Variants in TOB2 observed in about 807,000 individuals in gnomAD.
TOB2 encodes protein Tob2.
TOB2 carries 3 observed loss-of-function variants against 17.3 expected under a neutral mutation model. The observed-to-expected ratio is 0.17, with a 90% CI of 0.08 to 0.45. The LOEUF (loss-of-function observed/expected upper bound fraction) is 0.45, where lower values mean the gene tolerates loss of function less well. Ranked by LOEUF, TOB2 falls within the 20% of genes least tolerant of loss-of-function variation. TOB2 has a pLI of 0.99. For synonymous variants in TOB2, 163 were observed against 185.6 expected (o/e 0.88, Z 0.99); for missense variants, 407 against 445.7 (o/e 0.91, Z 0.78).
chr22:41,440,829 A>G (rs928181561), intron 1 of TOB2, among the ~76,000 whole-genome samples: 1 of 151,072 alleles, frequency 6.6e-6, no homozygotes, highest in African/African-American at 2.4e-5. Context: ...AACCTCCCAA[A>G]GTGGTAGGTT....
intron 1 of TOB2, among the ~76,000 whole-genome samples, chr22:41,438,630 C>CA (rs749494672): frequency 0.026 from 327 of 12,678 alleles, 54 homozygotes; most frequent in Non-Finnish European, 0.045. Flanking sequence ...AACTCTGTCT[C>CA]AAAAAAAAAA....
intron 1 of TOB2, among the ~76,000 whole-genome samples, chr22:41,443,329 T>C (rs549222210): frequency 0.01 from 1,552 of 151,334 alleles, 14 homozygotes; most frequent in Non-Finnish European, 0.016. Flanking sequence ...AAGATTTTTT[T>C]CCCCCCCTCG....
chr22:41,444,252 G>A (rs899963317), intron 1 of TOB2, among the ~76,000 whole-genome samples: 8 of 152,152 alleles, frequency 5.3e-5, no homozygotes, highest in African/African-American at 1.9e-4. Flanking sequence ...TGTATTGAAA[G>A]GCTTCCAGGA....
chr22:41,440,513 A>T (rs977435338), intron 1 of TOB2, among the ~76,000 whole-genome samples: 5 of 144,550 alleles, frequency 3.5e-5, no homozygotes, highest in Non-Finnish European at 7.5e-5. Flanking sequence ...GGCTCAGGTG[A>T]TCCTCCCACT....
At chr22:41,444,461 T>C (rs2037658106) in intron 1 of TOB2, among the ~76,000 whole-genome samples, 1 of 152,244 alleles carries the variant, frequency 6.6e-6, no homozygotes, top group African/African-American at 2.4e-5. Context: ...GGGCCCGCTC[T>C]GCACTCTGGG....
chr22:41,440,869 A>T (rs1601850614), intron 1 of TOB2, among the ~76,000 whole-genome samples: 2 of 150,174 alleles, frequency 1.3e-5, no homozygotes. Context: ...GTCCAGCCTC[A>T]TTTTTTTTTG....
intron 1 of TOB2, among the ~76,000 whole-genome samples, chr22:41,440,695 TAGCTGGAATTACAGGC>T (rs914331587): frequency 1.3e-5 from 2 of 150,770 alleles, no homozygotes; most frequent in Non-Finnish European, 3.0e-5. Context: ...GCCTACTGAG[TAGCTGGAATTACAGGC>T]ATGCACCACC....
At position 41,436,630 on chromosome 22, in the gene TOB2, G is replaced by A. The variant is rs1569269004; in HGVS notation, c.716C>T (p.Ser239Leu). The A allele has an allele frequency of 1.9e-6, 3 of 1,614,030 alleles. No individual in the cohort carries two copies. The highest frequency in any genetic ancestry group is 2.5e-6 in the Non-Finnish European group (3 of 1,179,984). The change falls in exon 2 of 2, where the codon TCA becomes TTA. Residue 239 changes from serine (S) to leucine (L), a missense_variant. By Grantham distance (145) the Ser-to-Leu change is moderately radical. Transcript: ENST00000327492. This position sits in a 1 kb window ranked among gnomAD's most constrained non-coding sequence, Gnocchi z 4.8. ...CGGGTTGGCCGTGATGAAGTTCAGT[G>A]AATGCATAGACAGAGAGAGGCTCTT... Reference protein sequence around the residue: ...KHKSLSLSMHSLNFITANPAP... With the variant: ...KHKSLSLSMHLLNFITANPAP...
rs1427375829 is a variant in TOB2, at chr22:41,436,367, G to A, written c.979C>T (p.Leu327=). The change falls in exon 2 of 2, where the codon CTG becomes TTG. Residue 327 remains leucine (L), a synonymous_variant. Coordinates refer to ENST00000327492, the MANE Select transcript of TOB2 (RefSeq NM_016272.4). This position sits in a 1 kb window ranked among gnomAD's most constrained non-coding sequence, Gnocchi z 4.8. The part of the protein sequence containing the change: ...TPFVEGLSYN[L]NTMQYPSQQF... The stretch of plus-strand genomic sequence containing the variant: ...TGGCTGGGATACTGCATGGTGTTCA[G>A]GTTGTAGCTGAGGCCTTCCACAAAG... The A allele has an allele frequency of 1.2e-6, 2 of 1,611,494 alleles. No homozygotes were observed. The highest frequency in any genetic ancestry group is 4.5e-5 in the East Asian group (2 of 44,874).
chr22:41,438,910 C>T (rs1232881457), intron 1 of TOB2, among the ~76,000 whole-genome samples: 1 of 152,088 alleles, frequency 6.6e-6, no homozygotes, highest in Non-Finnish European at 1.5e-5. Flanking sequence ...ACTGTCTGAC[C>T]ACCTGTCCTC....
In TOB2 at chr22:41,437,011, A is replaced by C; in HGVS notation, c.335T>G (p.Leu112Arg). 6.2e-7 allele frequency: 1 copy of C among 1,614,184 alleles called. No homozygotes were observed. Among genetic ancestry groups the C allele is most frequent in the East Asian group, 2.2e-5 (1 of 44,878 alleles). The change falls in exon 2 of 2, where the codon CTG becomes CGG. Residue 112 changes from leucine to arginine, a missense_variant. Coordinates refer to ENST00000327492, the MANE Select transcript of TOB2 (RefSeq NM_016272.4). ...QIGEKGAVKV[L>R]YLDDSEGCGA... The stretch of plus-strand genomic sequence containing the variant: ...GCAACCCTCACTGTCATCCAGGTAC[A>C]GCACTTTCACAGCTCCCTTCTCACC...
rs1242602168 is a variant in TOB2 at position 41,433,547 on chromosome 22, CTG to C, written c.*2762_*2763del. 1.1e-5 allele frequency: 2 copies of C among 181,850 alleles called. No individual in the cohort carries two copies. Among genetic ancestry groups the C allele is most frequent in the Non-Finnish European group, 1.2e-5 (1 of 84,648 alleles). 11.3% of individuals were successfully genotyped at this position (181,850 alleles called of 1,614,324 possible). A position where few individuals can be genotyped will look rare whatever the true frequency, so the allele number is the denominator to read the frequency against. The stretch of plus-strand genomic sequence containing the variant: ...TTAAAAAAATCTGGAACAATAGAAA[CTG>C]TACAGATTTGATCAATCTTTTTGTT... On this transcript the variant is annotated 3_prime_UTR_variant, in exon 2 of 2. Coordinates refer to ENST00000327492, the MANE Select transcript of TOB2 (RefSeq NM_016272.4).
chr22:41,441,185 C>T (rs547334108), intron 1 of TOB2, among the ~76,000 whole-genome samples: 24 of 151,896 alleles, frequency 1.6e-4, no homozygotes, highest in African/African-American at 5.3e-4. Context: ...CGTGGTGGCA[C>T]GCAGCTGTAG....
At chr22:41,442,396 G>A (rs1185702224) in intron 1 of TOB2, among the ~76,000 whole-genome samples, 3 of 152,166 alleles carry the variant, frequency 2.0e-5, no homozygotes, top group Admixed American at 6.6e-5. Context: ...TTTAAATGCA[G>A]GCCAAAGTCA....
At chr22:41,439,181 T>A (rs1468339027) in intron 1 of TOB2, among the ~76,000 whole-genome samples, 3 of 152,148 alleles carry the variant, frequency 2.0e-5, no homozygotes, top group Non-Finnish European at 2.9e-5. Flanking sequence ...GAAAGAGCCA[T>A]CTCTGAGAGG....
At chr22:41,440,068 C>T (rs2037596507) in intron 1 of TOB2, among the ~76,000 whole-genome samples, 2 of 152,114 alleles carry the variant, frequency 1.3e-5, no homozygotes, top group African/African-American at 4.8e-5. Flanking sequence ...GCCTCCAACA[C>T]AGACTTCATC....
At chr22:41,439,655 A>G (rs1045144183) in intron 1 of TOB2, among the ~76,000 whole-genome samples, 4 of 152,044 alleles carry the variant, frequency 2.6e-5, no homozygotes, top group Non-Finnish European at 4.4e-5. Context: ...GGCTGGGACT[A>G]TAGGTGCCCG....
intron 1 of TOB2, among the ~76,000 whole-genome samples, chr22:41,445,384 T>TG (rs982033742): frequency 2.0e-5 from 3 of 152,256 alleles, no homozygotes; most frequent in African/African-American, 7.2e-5. Context: ...CACGGAGGGA[T>TG]GGGGGTAGAA....
At chr22:41,442,366 C>T (rs929232789) in intron 1 of TOB2, among the ~76,000 whole-genome samples, 2 of 152,110 alleles carry the variant, frequency 1.3e-5, no homozygotes, top group African/African-American at 4.8e-5. Context: ...CTGAACAGTT[C>T]GGCCTCAAAA....
Sources: allele counts gnomAD v4.1 joint callset (sites outside exome capture counted in the v4.1 genomes callset), GRCh38; gene constraint gnomAD v4.1.1; non-coding constraint Gnocchi (gnomAD v3.1); transcripts MANE v1.5; gene names NCBI Gene and HGNC (gene_info 2026-07-23, HGNC 2026-07-21).